The following TDRD1 variants were observed in gnomAD, a reference collection of about 807,000 sequenced individuals.
The protein encoded by TDRD1 is tudor domain-containing protein 1.
In TDRD1, 37 loss-of-function variants were observed where a neutral mutation model predicts 140.6. That is an observed-to-expected ratio of 0.26 (90% CI 0.20 to 0.35). The LOEUF (loss-of-function observed/expected upper bound fraction) is 0.35, where lower values mean the gene tolerates loss of function less well. TDRD1 is among the 10% of genes least tolerant of loss of function. The pLI, the probability that TDRD1 is intolerant of heterozygous loss-of-function variation, is 1.00. For synonymous variants in TDRD1, 506 were observed against 475.7 expected (o/e 1.06, Z -0.83); for missense variants, 1,243 against 1,393.0 (o/e 0.89, Z 1.71).
intron 16 of TDRD1, among the ~76,000 whole-genome samples, chr10:114,215,688 T>C (rs1368229834): frequency 1.3e-5 from 2 of 152,250 alleles, no homozygotes; most frequent in African/African-American, 4.8e-5. Context: ...CAGAATCATC[T>C]GGTTGGTAGG....
chr10:114,212,044 A>C lies in TDRD1; in HGVS notation c.1831+8A>C. ...TAAAGTGTGTACTAGCAGGTATGAAATTTTTATAGCCTCCATATTCTTTAA... is the reference window on the plus strand; with the variant it reads ...TAAAGTGTGTACTAGCAGGTATGAACTTTTTATAGCCTCCATATTCTTTAA... On this transcript the variant is annotated splice_region_variant and intron_variant, in intron 14 of 25. Coordinates refer to ENST00000251864, the Ensembl canonical transcript of TDRD1. The C allele has an allele frequency of 6.3e-7, 1 of 1,591,972 alleles. No homozygotes were observed.
At chr10:114,205,619 G>A (rs1391414206) in intron 10 of TDRD1, among the ~76,000 whole-genome samples, 2 of 152,164 alleles carry the variant, frequency 1.3e-5, no homozygotes, top group Admixed American at 1.3e-4. Context: ...TTGTGAGGTG[G>A]TAAACAAATC....
intron 1 of TDRD1, among the ~76,000 whole-genome samples, chr10:114,184,197 G>A (rs1412723924): frequency 1.3e-5 from 2 of 151,226 alleles, no homozygotes; most frequent in African/African-American, 2.4e-5. Flanking sequence ...TATAAATAGG[G>A]TTGAATGCTT....
At chr10:114,211,933 T>C (rs2035513121) in exon 14 of TDRD1, 5 of 1,612,498 alleles carry the variant, frequency 3.1e-6, no homozygotes, top group Middle Eastern at 1.7e-4. Flanking sequence ...TGGTCGGATA[T>C]GTAGATTATG....
intron 1 of TDRD1, among the ~76,000 whole-genome samples, chr10:114,182,301 T>C (rs12415912): frequency 0.016 from 2,395 of 152,274 alleles, 74 homozygotes; most frequent in Admixed American, 0.078. Context: ...AACAAGAAGT[T>C]TGTGGTCCCA....
At chr10:114,175,039 T>A (rs1304802007), upstream of TDRD1, among the ~76,000 whole-genome samples, 1 of 152,214 alleles carries the variant, frequency 6.6e-6, no homozygotes, top group East Asian at 1.9e-4. Context: ...AAAGCAAAAC[T>A]TACTACTGTT....
intron 1 of TDRD1, among the ~76,000 whole-genome samples, chr10:114,183,775 G>C (rs1170440110): frequency 6.9e-6 from 1 of 145,910 alleles, no homozygotes; most frequent in African/African-American, 2.6e-5. Context: ...ATTTTGGCTC[G>C]CTGCAACCTC....
At chr10:114,190,150 A>G (rs1243367356) in intron 2 of TDRD1, among the ~76,000 whole-genome samples, 1 of 152,220 alleles carries the variant, frequency 6.6e-6, no homozygotes, top group Non-Finnish European at 1.5e-5. Context: ...CAAAAGCTGT[A>G]TATGAATCCA....
intron 3 of TDRD1, among the ~76,000 whole-genome samples, chr10:114,196,576 C>CTT (rs2034366213): frequency 6.6e-6 from 1 of 151,934 alleles, no homozygotes; most frequent in Non-Finnish European, 1.5e-5. Flanking sequence ...CCACCTCCTC[C>CTT]TTTCCCACTT....
At chr10:114,230,834 A>T (rs6585267) in intron 25 of TDRD1, among the ~76,000 whole-genome samples, 3 of 152,264 alleles carry the variant, frequency 2.0e-5, no homozygotes, top group Admixed American at 6.5e-5. Flanking sequence ...GAGGCTGAGG[A>T]GGGCAGGTCA....
intron 16 of TDRD1, among the ~76,000 whole-genome samples, chr10:114,215,002 A>G (rs2035723390): frequency 6.6e-6 from 1 of 152,068 alleles, no homozygotes; most frequent in African/African-American, 2.4e-5. Context: ...TCGGCCTCCC[A>G]AAGTGCTGGG....
chr10:114,217,591 C>T (rs1216805049), exon 17 of TDRD1: 2 of 1,603,984 alleles, frequency 1.2e-6, no homozygotes, highest in Non-Finnish European at 1.7e-6. Context: ...CAGAACACTG[C>T]CAGCAGAAGT....
At chr10:114,206,139 G>T in intron 10 of TDRD1, 105 bp from the exon 11 acceptor site, 1 of 806,960 alleles carries the variant, frequency 1.2e-6, no homozygotes, top group East Asian at 2.7e-5. Context: ...CCTATTAATA[G>T]CTATGAACGT....
At chr10:114,202,493 G>A (rs1166508732) in intron 6 of TDRD1, among the ~76,000 whole-genome samples, 195 bp downstream of exon 6, 1 of 152,122 alleles carries the variant, frequency 6.6e-6, no homozygotes, top group Non-Finnish European at 1.5e-5. Flanking sequence ...AAAGGATGTG[G>A]CAGTATCTCA....
In TDRD1 at chr10:114,187,314, C is replaced by T. The variant is rs540534534; in HGVS notation, c.-6-512C>T. ...GGGTCAGCTGAGATGGATTGTGAAG[C>T]CTGCCCAGGATGGTCAGGCAGTGAG... On this transcript the variant is annotated intron_variant, in intron 1 of 25. Transcript: ENST00000251864. Among the ~76,000 whole-genome samples, 10 of 152,192 alleles carry T rather than the reference C, an allele frequency of 6.6e-5. No individual in the cohort carries two copies. In the South Asian group the frequency reaches 2.1e-3, roughly 32 times the overall value.
chr10:114,210,765 G>A lies in TDRD1; in HGVS notation c.1552+17G>A. On this transcript the variant is annotated intron_variant, in intron 12 of 25. Transcript: ENST00000251864. ...AAAGTGGCCGTAAGTCAGCTTTCTT[G>A]ATTTGCTCTATGAAGCTAAAATACT... 1 of 1,608,712 alleles carries A rather than the reference G, an allele frequency of 6.2e-7. No individual in the cohort carries two copies. Among genetic ancestry groups the A allele is most frequent in the Admixed American group, 1.7e-5 (1 of 59,800 alleles).
rs542150732 is a variant in TDRD1 at position 114,191,138 on chromosome 10, T to G, written c.384+119T>G. On this transcript the variant is annotated intron_variant, in intron 3 of 25. Coordinates refer to ENST00000251864, the Ensembl canonical transcript of TDRD1. ...ATTCAAGATCAAATGTTTTTTCTTT[T>G]ATGTACATTTTTAAAAAAAGAAAAC... is the stretch of plus-strand genomic sequence containing the variant. 1.1e-4 allele frequency: 122 copies of G among 1,142,780 alleles called. 1 individual carries two copies. In the East Asian group the frequency reaches 2.9e-3, roughly 27 times the overall value. The allele number at this position is 1,142,780 out of a possible 1,614,324, so 70.8% of individuals were successfully genotyped here.
intron 25 of TDRD1, among the ~76,000 whole-genome samples, chr10:114,230,398 G>A (rs77775515): frequency 6.6e-6 from 1 of 152,162 alleles, no homozygotes; most frequent in Non-Finnish European, 1.5e-5. Context: ...CCTTGTGTTT[G>A]GGTAGTACGT....
chr10:114,213,481 C>A, exon 15 of TDRD1: 1 of 1,614,036 alleles, frequency 6.2e-7, no homozygotes, highest in Admixed American at 1.7e-5. Flanking sequence ...ATTGATAAAT[C>A]CGAGACGCCT....
Sources: gnomAD v4.1 joint callset for allele counts (sites outside exome capture counted in the v4.1 genomes callset) on GRCh38, gnomAD v4.1.1 for gene constraint, MANE v1.5 for transcripts, NCBI Gene and HGNC (gene_info 2026-07-23, HGNC 2026-07-21) for gene names.